The following SHROOM4 variants were observed in gnomAD, a reference collection of about 807,000 sequenced individuals.
The protein encoded by SHROOM4 is shroom family member 4, also known as protein Shroom4.
A neutral mutation model predicts 80.3 loss-of-function variants in SHROOM4; 17 were observed. That is an observed-to-expected ratio of 0.21 (90% CI 0.14 to 0.32). The LOEUF is 0.32. Ranked by LOEUF, SHROOM4 falls within the 10% of genes least tolerant of loss-of-function variation. The probability of loss-of-function intolerance (pLI) is 1.00; values close to 1 mark genes in which losing one functional copy is unlikely to be tolerated. For missense variants in SHROOM4, 993 were observed against 1,140.3 expected (o/e 0.87, Z 1.86); for synonymous variants, 400 against 437.5 (o/e 0.91, Z 1.07).
chrX:50,645,965 G>A (rs1253035525), intron 2 of SHROOM4, among the ~76,000 whole-genome samples: 2 of 111,313 alleles, frequency 1.8e-5, no homozygotes, highest in African/African-American at 3.3e-5. Flanking sequence ...CTCCAGCTGC[G>A]CTAGTCAGCT....
intron 2 of SHROOM4, among the ~76,000 whole-genome samples, chrX:50,662,537 A>C (rs1602415590): frequency 9.0e-6 from 1 of 111,668 alleles, no homozygotes; most frequent in East Asian, 2.8e-4. Context: ...AAAGAAAACA[A>C]ATTTCTAGAA....
At chrX:50,808,308 T>C (rs782372415) in intron 1 of SHROOM4, among the ~76,000 whole-genome samples, 1 of 111,896 alleles carries the variant, frequency 8.9e-6, no homozygotes, top group Admixed American at 9.5e-5. Flanking sequence ...GTCAAAACTT[T>C]CCAGCAACAG....
intron 2 of SHROOM4, among the ~76,000 whole-genome samples, chrX:50,651,546 G>A (rs113388964): frequency 0.027 from 2,964 of 111,579 alleles, 93 homozygotes; most frequent in African/African-American, 0.091. Flanking sequence ...CGACCTTTTG[G>A]ATCAGAAACT....
chrX:50,660,966 C>T (rs1275378814), intron 2 of SHROOM4, among the ~76,000 whole-genome samples: 1 of 109,953 alleles, frequency 9.1e-6, no homozygotes. Context: ...GTCTGAACTG[C>T]CTGTTCAGGT....
intron 1 of SHROOM4, among the ~76,000 whole-genome samples, chrX:50,745,754 C>T (rs940588119): frequency 1.8e-5 from 2 of 111,116 alleles, no homozygotes; most frequent in Admixed American, 1.9e-4. Flanking sequence ...GTTGTACTCA[C>T]CTGGAATAAA....
chrX:50,752,380 G>A (rs939894245), intron 1 of SHROOM4, among the ~76,000 whole-genome samples: 3 of 111,608 alleles, frequency 2.7e-5, no homozygotes, highest in South Asian at 3.8e-4. Flanking sequence ...AATTTGAGAT[G>A]GCCACCTGCC....
At chrX:50,738,762 A>T (rs1375447700) in intron 1 of SHROOM4, among the ~76,000 whole-genome samples, 7 of 111,670 alleles carry the variant, frequency 6.3e-5, no homozygotes. Flanking sequence ...GCCCAAGGTA[A>T]TTTATAGATT....
chrX:50,576,502 G>A, the SHROOM4 span, among the ~76,000 whole-genome samples: 1 of 111,749 alleles, frequency 8.9e-6, no homozygotes, highest in Non-Finnish European at 1.9e-5. Context: ...GCAAAGAGAA[G>A]CAGAAAGAGA....
At chrX:50,744,159 T>C (rs1934727114) in intron 1 of SHROOM4, among the ~76,000 whole-genome samples, 1 of 111,870 alleles carries the variant, frequency 8.9e-6, no homozygotes, top group Admixed American at 9.5e-5. Flanking sequence ...TTCATCATAT[T>C]TGGGGATTTT....
chrX:50,581,181 G>A, the SHROOM4 span, among the ~76,000 whole-genome samples: 284 of 112,266 alleles, frequency 2.5e-3, 1 homozygote, highest in African/African-American at 8.7e-3. Context: ...CAACAGTGTG[G>A]TAGGCAGTGT....
chrX:50,768,470 T>C (rs1174796639), intron 1 of SHROOM4, among the ~76,000 whole-genome samples: 1 of 111,969 alleles, frequency 8.9e-6, no homozygotes, highest in African/African-American at 3.2e-5. Context: ...CCACCTTAGG[T>C]CTATTCCCTG....
intron 1 of SHROOM4, among the ~76,000 whole-genome samples, chrX:50,799,198 A>G (rs781816621): frequency 1.8e-5 from 2 of 112,925 alleles, no homozygotes; most frequent in South Asian, 7.3e-4. Flanking sequence ...TCTCTCACCA[A>G]TGCCTGCAAA....
intron 2 of SHROOM4, among the ~76,000 whole-genome samples, chrX:50,665,304 C>T (rs781805925): frequency 2.5e-4 from 28 of 110,834 alleles, no homozygotes; most frequent in Non-Finnish European, 4.2e-4. Context: ...CATCTCAGGT[C>T]GAGGCAAAGT....
intron 2 of SHROOM4, among the ~76,000 whole-genome samples, chrX:50,693,757 C>T (rs975534402): frequency 1.8e-5 from 2 of 110,174 alleles, no homozygotes; most frequent in Admixed American, 1.9e-4. Context: ...TCTCTACTAG[C>T]TATTTTGAAA....
chrX:50,638,650 A>G (rs1931463177), intron 2 of SHROOM4, among the ~76,000 whole-genome samples: 1 of 112,850 alleles, frequency 8.9e-6, no homozygotes, highest in Non-Finnish European at 1.9e-5. Context: ...TTTGAGAAAG[A>G]AAATCAATCT....
In SHROOM4 at chrX:50,590,031, G is replaced by T. The variant is rs150329913; in HGVS notation, c.*6664C>A. Among the ~76,000 whole-genome samples, 2 of 111,553 alleles carry T rather than the reference G, an allele frequency of 1.8e-5. No individual in the cohort carries two copies. Among genetic ancestry groups the T allele is most frequent in the African/African-American group, 6.5e-5 (2 of 30,688 alleles). Reference sequence around the variant, plus strand: ...ATTTGCATTTCCCTAATGAATAGTAGTGCTTGAGCATCTTTCCCTGTGCTT... The same window carrying T: ...ATTTGCATTTCCCTAATGAATAGTATTGCTTGAGCATCTTTCCCTGTGCTT... On this transcript the variant is annotated 3_prime_UTR_variant, in exon 9 of 9. Transcript: ENST00000376020.
intron 2 of SHROOM4, among the ~76,000 whole-genome samples, chrX:50,681,688 C>T (rs12006821): frequency 0.083 from 9,279 of 111,925 alleles, 959 homozygotes; most frequent in African/African-American, 0.29. Context: ...ATGGATATAA[C>T]ATGTTTGCGT....
rs1459258588 is a variant in SHROOM4, at chrX:50,593,531, C to CG, written c.*3163_*3164insC. ...CTATAGAAACTGTCCCCTGCCCCAC[C>CG]CCCCCAAAAAGATCTACTAATCTTC... On this transcript the variant is annotated 3_prime_UTR_variant, in exon 9 of 9. Coordinates refer to ENST00000376020, the MANE Select transcript of SHROOM4 (RefSeq NM_020717.5). 9.2e-6 allele frequency: 1 copy of CG among 108,265 alleles called. No individual in the cohort carries two copies. Among genetic ancestry groups the CG allele is most frequent in the African/African-American group, 3.4e-5 (1 of 29,177 alleles). 8.9% of individuals were successfully genotyped at this position (108,265 alleles called of 1,213,427 possible).
intron 1 of SHROOM4, among the ~76,000 whole-genome samples, chrX:50,772,057 AAGTGTGAG>A (rs1487164736): frequency 9.1e-6 from 1 of 109,645 alleles, no homozygotes; most frequent in East Asian, 2.9e-4. Context: ...TGGAAGAATG[AAGTGTGAG>A]ATATGCATAC....
Sources: gnomAD v4.1 joint callset for allele counts (sites outside exome capture counted in the v4.1 genomes callset) on GRCh38, gnomAD v4.1.1 for gene constraint, MANE v1.5 for transcripts, NCBI Gene and HGNC (gene_info 2026-07-23, HGNC 2026-07-21) for gene names.